Variants in DUS1L observed in about 807,000 individuals in gnomAD.
The protein encoded by DUS1L is tRNA-dihydrouridine(16/17) synthase [NAD(P)(+)]-like.
In DUS1L, 56 loss-of-function variants were observed where a neutral mutation model predicts 61.2. That is an observed-to-expected ratio of 0.92 (90% CI 0.74 to 1.14). The LOEUF is 1.14. Ranked by LOEUF, DUS1L falls within the 50% of genes most tolerant of loss-of-function variation. The pLI, the probability that DUS1L is intolerant of heterozygous loss-of-function variation, is 0.00. For missense variants in DUS1L, 630 were observed against 632.4 expected (o/e 1.00, Z 0.04); for synonymous variants, 278 against 259.5 (o/e 1.07, Z -0.69).
Position 82,064,886 on chromosome 17 carries a change from G to C in DUS1L, c.174C>G (p.Ala58=). Residue 58 remains alanine, a synonymous_variant, in exon 2 of 14, where the codon GCC becomes GCG. Transcript: ENST00000306796. ...AGTACAGGTTCTCCTTCCGGTAGTT[G>C]GCGTCGCGGACAAAGACCTGGGCAT... ...MLHAQVFVRD[A]NYRKENLYCE... 6.2e-7 allele frequency: 1 copy of C among 1,612,740 alleles called. No homozygotes were observed. Among genetic ancestry groups the C allele is most frequent in the Non-Finnish European group, 8.5e-7 (1 of 1,179,884 alleles).
chr17:82,065,206 G>A (rs1320819983), intron 1 of DUS1L, 137 bp from the exon 2 acceptor site: 6 of 746,402 alleles, frequency 8.0e-6, no homozygotes, highest in Admixed American at 3.1e-5. Flanking sequence ...AAAGGCGGGG[G>A]TCGGTGCAGG....
In DUS1L at chr17:82,057,550, G is replaced by A. The variant is rs1168386213; in HGVS notation, c.*565C>T. 1 of 321,698 alleles carries A rather than the reference G, an allele frequency of 3.1e-6. No individual in the cohort carries two copies. The highest frequency in any genetic ancestry group is 6.1e-6 in the Non-Finnish European group (1 of 163,948). The allele number at this position is 321,698 out of a possible 1,614,324, so 19.9% of individuals were successfully genotyped here. ...GGGTTCCTGAGGGCTGTCTCCCTGGGACTAGGCTTGGAGGCAGGGCCTGGT... is the reference window on the plus strand; with the variant it reads ...GGGTTCCTGAGGGCTGTCTCCCTGGAACTAGGCTTGGAGGCAGGGCCTGGT... On this transcript the variant is annotated 3_prime_UTR_variant, in exon 14 of 14. Transcript: ENST00000306796.
chr17:82,064,758 T>A, intron 2 of DUS1L, 65 bp downstream of exon 2: 3 of 1,464,696 alleles, frequency 2.0e-6, no homozygotes, highest in Non-Finnish European at 2.8e-6. Flanking sequence ...AGAGAAGGGT[T>A]TTTCCCCAGG....
Position 82,058,026 on chromosome 17 carries a change from A to G in DUS1L, c.*89T>C, listed in dbSNP as rs2033144815. On this transcript the variant is annotated 3_prime_UTR_variant, in exon 14 of 14. Coordinates refer to ENST00000306796, the MANE Select transcript of DUS1L (RefSeq NM_022156.5). ...ATGGGCGTGTCTTTCCACATTAAGT[A>G]GCAGGAGATTCCCTGAGTAAAAGGC... The G allele has an allele frequency of 1.4e-6, 2 of 1,413,692 alleles. No individual in the cohort carries two copies. The highest frequency in any genetic ancestry group is 1.9e-6 in the Non-Finnish European group (2 of 1,076,428). The allele number at this position is 1,413,692 out of a possible 1,614,324, so 87.6% of individuals were successfully genotyped here.
chr17:82,060,786 G>A lies in DUS1L; in HGVS notation c.940-3C>T, dbSNP rs754324284. ...CCCTCCTGCCTGGATATCTCCTCCTGCAAAAGCCCAAGGCCCTGGTCATGG... is the reference window on the plus strand; with the variant it reads ...CCCTCCTGCCTGGATATCTCCTCCTACAAAAGCCCAAGGCCCTGGTCATGG... On this transcript the variant is annotated splice_region_variant and splice_polypyrimidine_tract_variant and intron_variant, in intron 9 of 13. Coordinates refer to ENST00000306796, the MANE Select transcript of DUS1L (RefSeq NM_022156.5). The A allele has an allele frequency of 1.9e-6, 3 of 1,611,826 alleles. No homozygotes were observed. The Admixed American group carries it at 5.0e-5, about 27-fold the overall frequency.
Position 82,065,024 on chromosome 17 carries a change from G to A in DUS1L, c.36C>T (p.Arg12=), listed in dbSNP as rs142203947. The change falls in exon 2 of 14, where the codon CGC becomes CGT. Residue 12 remains arginine (R), a synonymous_variant. Coordinates refer to ENST00000306796, the MANE Select transcript of DUS1L (RefSeq NM_022156.5). ...PKLQGFEFWS[R]TLRGARHVVA... ...CGACGTGGCGGGCCCCTCGCAGGGT[G>A]CGGCTCCAGAACTCGAAGCCCTGCA... The A allele has an allele frequency of 6.3e-4, 1,009 of 1,607,496 alleles. 1 individual carries two copies. The highest frequency in any genetic ancestry group is 9.2e-4 in the Admixed American group (55 of 59,480).
chr17:82,057,792 A>G lies in DUS1L; in HGVS notation c.*323T>C. 3.9e-6 allele frequency: 1 copy of G among 254,230 alleles called. No homozygotes were observed. The highest frequency in any genetic ancestry group is 9.5e-5 in the South Asian group (1 of 10,516). The allele number at this position is 254,230 out of a possible 1,614,324, so 15.7% of individuals were successfully genotyped here. ...TTCATTTAGATGTATCCTGTTGTTC[A>G]GAAGCCCCCACTGGCCCCAACCGCA... On this transcript the variant is annotated 3_prime_UTR_variant, in exon 14 of 14. Transcript: ENST00000306796.
chr17:82,058,004 G>A lies in DUS1L; in HGVS notation c.*111C>T. ...CCAGAGTGGGCCGAAGGGGGACATG[G>A]GCGTGTCTTTCCACATTAAGTAGCA... On this transcript the variant is annotated 3_prime_UTR_variant, in exon 14 of 14. Transcript: ENST00000306796. 2.9e-6 allele frequency: 4 copies of A among 1,361,904 alleles called. No individual in the cohort carries two copies. The highest frequency in any genetic ancestry group is 3.9e-6 in the Non-Finnish European group (4 of 1,034,120). The allele number at this position is 1,361,904 out of a possible 1,614,324, so 84.4% of individuals were successfully genotyped here.
intron 11 of DUS1L, chr17:82,059,654 G>C: frequency 2.4e-6 from 1 of 414,594 alleles, no homozygotes. Flanking sequence ...AGGGGCAGCC[G>C]CAGGGACCCG....
chr17:82,061,745 T>C (rs764031759), intron 6 of DUS1L, 24 bp from the exon 7 acceptor site: 3 of 1,611,494 alleles, frequency 1.9e-6, no homozygotes, highest in Non-Finnish European at 2.5e-6. Context: ...AATGCCTGTT[T>C]CCACCCGCCC....
Position 82,059,998 on chromosome 17 carries a change from T to C in DUS1L, c.1118A>G (p.Gln373Arg). 1 of 1,613,956 alleles carries C rather than the reference T, an allele frequency of 6.2e-7. No homozygotes were observed. The change falls in exon 11 of 14, where the codon CAA (glutamine) becomes CGA (arginine). Residue 373 changes from glutamine (Q) to arginine (R), a missense_variant. Coordinates refer to ENST00000306796, the MANE Select transcript of DUS1L (RefSeq NM_022156.5). ...GTGGGGGTTCCTCAGCTGCTTCTTT[T>C]GCTTGTTCTTGGACAGGACCTCCGT... ...GGTEVLSKNK[Q>R]KKQLRNPHKT...
Position 82,057,892 on chromosome 17 carries a change from G to T in DUS1L, c.*223C>A. ...CTGTGGGCTCTCGCATCTTTGAAAT[G>T]ATTTATTGTTCACTTTTGCACACGC... On this transcript the variant is annotated 3_prime_UTR_variant, in exon 14 of 14. Coordinates refer to ENST00000306796, the MANE Select transcript of DUS1L (RefSeq NM_022156.5). 1 of 435,176 alleles carries T rather than the reference G, an allele frequency of 2.3e-6. No homozygotes were observed. The highest frequency in any genetic ancestry group is 4.0e-6 in the Non-Finnish European group (1 of 251,612). The allele number at this position is 435,176 out of a possible 1,614,324, so 27.0% of individuals were successfully genotyped here.
intron 5 of DUS1L, 90 bp downstream of exon 5, chr17:82,062,771 C>T (rs769935286): frequency 1.5e-5 from 18 of 1,188,644 alleles, no homozygotes; most frequent in East Asian, 7.2e-5. Flanking sequence ...CGACGGTGCA[C>T]GGTGTCTGGA....
At chr17:82,061,835 G>A (rs957366714) in intron 6 of DUS1L, 66 bp downstream of exon 6, 2 of 1,588,872 alleles carry the variant, frequency 1.3e-6, no homozygotes, top group South Asian at 1.1e-5. Flanking sequence ...AGCACCCTGA[G>A]GTGTGGAGCT....
At position 82,059,058 on chromosome 17, in the gene DUS1L, G is replaced by A. The variant is rs548734936; in HGVS notation, c.1169-240C>T. On this transcript the variant is annotated intron_variant, in intron 11 of 13. Coordinates refer to ENST00000306796, the MANE Select transcript of DUS1L (RefSeq NM_022156.5). Reference sequence around the variant, plus strand: ...GCAGGAAACGGATAGGAAGCAGGTGGGCTGGGGGGCCGCCGCAGGACGAGC... The same window carrying A: ...GCAGGAAACGGATAGGAAGCAGGTGAGCTGGGGGGCCGCCGCAGGACGAGC... 42 of 566,188 alleles carry A rather than the reference G, an allele frequency of 7.4e-5. No homozygotes were observed. The South Asian group carries it at 7.6e-4, about 10-fold the overall frequency. The allele number at this position is 566,188 out of a possible 1,614,324, so 35.1% of individuals were successfully genotyped here.
At chr17:82,065,419 C>G in intron 1 of DUS1L, 194 bp downstream of exon 1, 1 of 235,448 alleles carries the variant, frequency 4.2e-6, no homozygotes, top group Non-Finnish European at 8.2e-6. Flanking sequence ...TTAGGACCCC[C>G]GGCCCCTTCC....
chr17:82,058,870 T>C, intron 11 of DUS1L, 52 bp from the exon 12 acceptor site: 2 of 1,519,404 alleles, frequency 1.3e-6, no homozygotes, highest in Non-Finnish European at 1.8e-6. Context: ...GTGCCCTGGC[T>C]GTGGGGGCTG....
At chr17:82,060,590 G>C in intron 10 of DUS1L, 111 bp downstream of exon 10, 4 of 1,373,306 alleles carry the variant, frequency 2.9e-6, no homozygotes, top group Admixed American at 4.2e-5. Context: ...TTGGGCAGGA[G>C]ATGACTGACC....
chr17:82,064,816 T>C lies in DUS1L; in HGVS notation c.237+7A>G. On this transcript the variant is annotated splice_region_variant and intron_variant, in intron 2 of 13. Transcript: ENST00000306796. The stretch of plus-strand genomic sequence containing the variant: ...CCGCGGCCGCGGCCACAGCCCCTCC[T>C]GCGCACCTGCACGATGAGGGGCCGG... 6.2e-7 allele frequency: 1 copy of C among 1,603,962 alleles called. No individual in the cohort carries two copies. Among genetic ancestry groups the C allele is most frequent in the Admixed American group, 1.7e-5 (1 of 59,320 alleles).
Sources: gnomAD v4.1 joint callset for allele counts on GRCh38, gnomAD v4.1.1 for gene constraint, MANE v1.5 for transcripts, NCBI Gene and HGNC (gene_info 2026-07-23, HGNC 2026-07-21) for gene names.